HAAO: variants seen among roughly 807,000 people sequenced by gnomAD.
The protein encoded by HAAO is 3-hydroxyanthranilate oxygenase.
HAAO carries 49 observed loss-of-function variants against 46.2 expected under a neutral mutation model. That is an observed-to-expected ratio of 1.06 (90% confidence interval 0.84 to 1.34). The LOEUF (loss-of-function observed/expected upper bound fraction) is 1.34. Among genes scored for constraint, HAAO ranks in the 40% most tolerant of loss-of-function variants. The pLI, the probability that HAAO is intolerant of heterozygous loss-of-function variation, is 0.00. For missense variants in HAAO, 408 were observed against 364.5 expected, an observed-to-expected ratio of 1.12 and a Z score of -0.97; for synonymous variants, 157 against 145.2, an observed-to-expected ratio of 1.08 and a Z score of -0.58.
intron 2 of HAAO, among the ~76,000 whole-genome samples, chr2:42,786,007 C>CTGTGTGTGTG (rs1558674524): frequency 1.7e-5 from 2 of 118,728 alleles, no homozygotes; most frequent in Non-Finnish European, 1.8e-5. Context: ...GGGAGGAAGC[C>CTGTGTGTGTG]TCTGTGTGTG....
At chr2:42,788,402 CTCA>C in intron 2 of HAAO, 124 bp downstream of exon 2, 1 of 712,202 alleles carries the variant, frequency 1.4e-6, no homozygotes, top group Non-Finnish European at 2.6e-6. Flanking sequence ...GCCCCCTCCA[CTCA>C]TCAGCCACAT....
chr2:42,785,541 C>T (rs1350706375), intron 2 of HAAO, among the ~76,000 whole-genome samples: 1 of 152,078 alleles, frequency 6.6e-6, no homozygotes, highest in Non-Finnish European at 1.5e-5. Flanking sequence ...CTCATATTTT[C>T]TACAAGGAAC....
chr2:42,790,118 G>A (rs975660399), intron 1 of HAAO, among the ~76,000 whole-genome samples: 2 of 152,166 alleles, frequency 1.3e-5, no homozygotes, highest in Non-Finnish European at 2.9e-5. Context: ...GGTCCTTTCT[G>A]AGTGTCCTGT....
intron 4 of HAAO, among the ~76,000 whole-genome samples, chr2:42,775,611 A>G (rs927349608): frequency 6.6e-6 from 1 of 151,324 alleles, no homozygotes; most frequent in South Asian, 2.1e-4. Flanking sequence ...TTTTGAGCAA[A>G]AGTTTTTTTC....
chr2:42,767,751 T>TGGGCCCCA, intron 8 of HAAO, 74 bp from the exon 9 acceptor site: 1 of 1,549,790 alleles, frequency 6.5e-7, no homozygotes, highest in Non-Finnish European at 8.9e-7. Context: ...TGAGTCTGCC[T>TGGGCCCCA]GGGCCCCAAG....
chr2:42,788,755 C>CG lies in HAAO; in HGVS notation c.81-149_81-148insC, dbSNP rs1355382807. 20 of 668,104 alleles carry CG rather than the reference C, an allele frequency of 3.0e-5. 1 individual carries two copies. Among genetic ancestry groups the CG allele is most frequent in the Non-Finnish European group, 5.2e-5 (19 of 363,920 alleles). 41.4% of individuals were successfully genotyped at this position (668,104 alleles called of 1,614,324 possible). ...CTCACTGTCCCTGTTCCCCAACTCT[C>CG]ATCCCCGGTTCATGCCTGCGTGCAT... is the stretch of plus-strand genomic sequence containing the variant. On this transcript the variant is annotated intron_variant, in intron 1 of 9. Coordinates refer to ENST00000294973, the MANE Select transcript of HAAO (RefSeq NM_012205.3).
chr2:42,785,157 G>A (rs1672295502), intron 2 of HAAO, among the ~76,000 whole-genome samples: 2 of 152,196 alleles, frequency 1.3e-5, no homozygotes, highest in Admixed American at 6.5e-5. Context: ...TACTCAAAAT[G>A]TAGCTGTGAA....
intron 4 of HAAO, among the ~76,000 whole-genome samples, chr2:42,775,246 GAAAAAAAAAAAA>G (rs34025268): frequency 4.3e-5 from 3 of 69,186 alleles, no homozygotes; most frequent in Middle Eastern, 0.01. Flanking sequence ...GACTGTCATG[GAAAAAAAAAAAA>G]AAAAAAAAAA....
intron 4 of HAAO, 36 bp downstream of exon 4, chr2:42,783,277 GC>G: frequency 8.1e-7 from 1 of 1,236,668 alleles, no homozygotes; most frequent in African/African-American, 1.5e-5. Flanking sequence ...TCTGCTGTTT[GC>G]CCTTTCTCTG....
At chr2:42,790,328 C>G (rs909884080) in intron 1 of HAAO, among the ~76,000 whole-genome samples, 10 of 151,934 alleles carry the variant, frequency 6.6e-5, no homozygotes, top group Non-Finnish European at 1.2e-4. Context: ...GAACTTAAAG[C>G]TGCATAGAGC....
rs947881564 is a variant in HAAO, at chr2:42,770,517, G to A, written c.416C>T (p.Thr139Met). Reference sequence around the variant, plus strand: ...CTCCTGGATGATGGGGGCCAACTGCGTGCCGAGGTCCTTGCAGTAGAACCA... The same window carrying A: ...CTCCTGGATGATGGGGGCCAACTGCATGCCGAGGTCCTTGCAGTAGAACCA... ...EKWFYCKDLG[T>M]QLAPIIQEFF... is the part of the protein sequence containing the mutation. The change falls in exon 5 of 10, where the codon ACG (threonine) becomes ATG (methionine). Residue 139 changes from threonine to methionine, a missense_variant. By Grantham distance (81) the Thr-to-Met change is moderately conservative. Transcript: ENST00000294973. The A allele has an allele frequency of 9.0e-6, 14 of 1,552,504 alleles. No homozygotes were observed. The highest frequency in any genetic ancestry group is 2.4e-5 in the South Asian group (2 of 84,116).
chr2:42,767,831 C>T, intron 8 of HAAO, 29 bp downstream of exon 8: 1 of 1,609,784 alleles, frequency 6.2e-7, no homozygotes, highest in East Asian at 2.2e-5. Flanking sequence ...GCAGGGGGTT[C>T]TGCAACCCTG....
At chr2:42,782,225 A>G (rs945290980) in intron 4 of HAAO, among the ~76,000 whole-genome samples, 1 of 152,172 alleles carries the variant, frequency 6.6e-6, no homozygotes, top group African/African-American at 2.4e-5. Context: ...AAGCCTGACA[A>G]CTTAAACTTC....
intron 4 of HAAO, chr2:42,782,652 C>G (rs1672087523): frequency 6.1e-6 from 1 of 164,628 alleles, no homozygotes; most frequent in Non-Finnish European, 1.3e-5. Context: ...AGCCTGCCCC[C>G]CATTCGATGC....
chr2:42,783,894 C>G (rs1288490482), intron 2 of HAAO, 27 bp from the exon 3 acceptor site: 6 of 1,592,522 alleles, frequency 3.8e-6, no homozygotes, highest in Non-Finnish European at 5.1e-6. Flanking sequence ...AGGCTTGGAC[C>G]CTCCGCACTT....
intron 4 of HAAO, among the ~76,000 whole-genome samples, chr2:42,778,323 C>A (rs12477298): frequency 4.6e-5 from 7 of 151,562 alleles, no homozygotes; most frequent in Non-Finnish European, 7.4e-5. Context: ...AAAAGGACAC[C>A]AGGTCCTGCT....
intron 4 of HAAO, chr2:42,782,783 C>A (rs1672101915): frequency 5.6e-6 from 2 of 355,600 alleles, no homozygotes; most frequent in East Asian, 9.4e-5. Flanking sequence ...CTGGAAGCCC[C>A]CTTCCCACTT....
intron 2 of HAAO, among the ~76,000 whole-genome samples, chr2:42,786,326 G>A (rs1672382708): frequency 6.6e-6 from 1 of 152,182 alleles, no homozygotes. Flanking sequence ...AATCCTAAAG[G>A]AATTATGCTC....
At position 42,769,723 on chromosome 2, in the gene HAAO, T is replaced by C; in HGVS notation, c.620A>G (p.Tyr207Cys). Residue 207 changes from tyrosine (Y) to cysteine (C), a missense_variant, in exon 7 of 10, where the codon TAT (tyrosine) becomes TGT (cysteine). Physicochemically the swap from Tyr to Cys is radical, Grantham distance 194 (BLOSUM62 -2). Coordinates refer to ENST00000294973, the MANE Select transcript of HAAO (RefSeq NM_012205.3). ...GTPLSLFGDT[Y>C]ETQVIAYGQG... is the part of the protein sequence containing the mutation. ...CCAGGACTACATTACCTGGGTCTCA[T>C]AGGTGTCCCCAAACAGGCTGAGTGG... is the stretch of plus-strand genomic sequence containing the variant. 2 of 1,611,440 alleles carry C rather than the reference T, an allele frequency of 1.2e-6. No homozygotes were observed. The highest frequency in any genetic ancestry group is 8.5e-7 in the Non-Finnish European group (1 of 1,178,754).
Sources: gnomAD v4.1 joint callset for allele counts (sites outside exome capture counted in the v4.1 genomes callset) on GRCh38, gnomAD v4.1.1 for gene constraint, MANE v1.5 for transcripts, NCBI Gene and HGNC (gene_info 2026-07-23, HGNC 2026-07-21) for gene names.